THG1L: variants seen among roughly 807,000 people sequenced by gnomAD.
THG1L encodes the protein probable tRNA(His) guanylyltransferase.
A neutral mutation model predicts 35.2 loss-of-function variants in THG1L; 27 were observed. The ratio of observed to expected loss-of-function variants is 0.77; its 90% CI spans 0.57 to 1.06. THG1L has a LOEUF of 1.06. THG1L is among the 50% of genes least tolerant of loss of function. THG1L has a pLI of 0.00. For synonymous variants in THG1L, 135 were observed against 132.4 expected, an observed-to-expected ratio of 1.02 and a Z score of -0.14; for missense variants, 377 against 371.8, an observed-to-expected ratio of 1.01 and a Z score of -0.12.
chr5:157,732,889 T>A lies in THG1L; in HGVS notation c.213T>A (p.Phe71Leu), dbSNP rs1199214352. The stretch of plus-strand genomic sequence containing the variant: ...GAAGGTTTGCTGAGAAGCACAACTT[T>A]GCAAAACCCAATGACAGCCGTGCTC... Reference protein sequence around the residue: ...NFHRFAEKHNFAKPNDSRALQ... With the variant: ...NFHRFAEKHNLAKPNDSRALQ... The change falls in exon 2 of 6, where the codon TTT becomes TTA. Residue 71 changes from phenylalanine (F) to leucine (L), a missense_variant. Coordinates refer to ENST00000231198, the MANE Select transcript of THG1L (RefSeq NM_017872.5). 4 of 1,614,232 alleles carry A rather than the reference T, an allele frequency of 2.5e-6. No individual in the cohort carries two copies. The highest frequency in any genetic ancestry group is 3.4e-6 in the Non-Finnish European group (4 of 1,180,034).
At chr5:157,731,739 C>CCGT in intron 1 of THG1L, 108 bp downstream of exon 1, 1 of 1,386,032 alleles carries the variant, frequency 7.2e-7, no homozygotes, top group Non-Finnish European at 9.8e-7. Context: ...ACCAGGGTAA[C>CCGT]GCGGTAGCCA....
rs750341135 is a variant in THG1L at position 157,731,463 on chromosome 5, A to G, written c.23A>G (p.Lys8Arg). Residue 8 changes from lysine to arginine, a missense_variant, in exon 1 of 6, where the codon AAG (lysine) becomes AGG (arginine). Physicochemically the swap from Lys to Arg is conservative, Grantham distance 26. Transcript: ENST00000231198. Reference sequence around the variant, plus strand: ...AGAATGTGGGGCGCCTGTAAAGTTAAGGTTCACGATTCCTTGGCCACCATT... The same window carrying G: ...AGAATGTGGGGCGCCTGTAAAGTTAGGGTTCACGATTCCTTGGCCACCATT... MWGACKV[K>R]VHDSLATISI... 8 of 1,607,268 alleles carry G rather than the reference A, an allele frequency of 5.0e-6. No homozygotes were observed. The East Asian group carries it at 1.6e-4, about 32-fold the overall frequency.
rs1760826227 is a variant in THG1L at position 157,734,720 on chromosome 5, C to T, written c.513C>T (p.Asp171=). 1.9e-6 allele frequency: 3 copies of T among 1,614,016 alleles called. No homozygotes were observed. Among genetic ancestry groups the T allele is most frequent in the South Asian group, 2.2e-5 (2 of 91,084 alleles). The stretch of plus-strand genomic sequence containing the variant: ...ATCCCAGCAACCAGACTTTAAAGGA[C>T]TACCTCAGCTGGCGACAAGCAGATT... ...VVYPSNQTLK[D]YLSWRQADCH... is the part of the protein sequence containing the mutation. The change falls in exon 3 of 6, where the codon GAC becomes GAT. Residue 171 remains aspartate (D), a synonymous_variant. Coordinates refer to ENST00000231198, the MANE Select transcript of THG1L (RefSeq NM_017872.5).
chr5:157,731,604 T>C lies in THG1L; in HGVS notation c.164T>C (p.Val55Ala), dbSNP rs201920319. ...DTCLAHCWVV[V>A]RLDGRNFHRF... Reference sequence around the variant, plus strand: ...TGCCTGGCACACTGCTGGGTGGTAGTGCGGCTGGACGGCCGGAATTTCCAT... The same window carrying C: ...TGCCTGGCACACTGCTGGGTGGTAGCGCGGCTGGACGGCCGGAATTTCCAT... The change falls in exon 1 of 6, where the codon GTG (valine) becomes GCG (alanine). Residue 55 changes from valine to alanine, a missense_variant. By Grantham distance (64) the Val-to-Ala change is moderately conservative. Coordinates refer to ENST00000231198, the MANE Select transcript of THG1L (RefSeq NM_017872.5). 1.0e-4 allele frequency: 160 copies of C among 1,600,648 alleles called. No homozygotes were observed. Among genetic ancestry groups the C allele is most frequent in the Non-Finnish European group, 2.0e-5 (23 of 1,172,694 alleles).
chr5:157,735,860 C>CT lies in THG1L; in HGVS notation c.556dup (p.Tyr186LeufsTer2). On this transcript the variant is annotated frameshift_variant, in exon 4 of 6. Transcript: ENST00000231198. LOFTEE classifies it high-confidence loss of function. ...TCTCCTCACAGGTCACATCAATAAT[C>CT]TTTATAATACAGTTTTCTGGGCACT... The CT allele has an allele frequency of 6.2e-7, 1 of 1,601,804 alleles. No individual in the cohort carries two copies. Among genetic ancestry groups the CT allele is most frequent in the Non-Finnish European group, 8.5e-7 (1 of 1,174,952 alleles).
chr5:157,732,626 T>G (rs1351300154), intron 1 of THG1L, among the ~76,000 whole-genome samples: 1 of 152,212 alleles, frequency 6.6e-6, no homozygotes, highest in Non-Finnish European at 1.5e-5. Flanking sequence ...GTAAATATTC[T>G]TTTATTCCCA....
At chr5:157,739,279 A>T (rs1469420105) in intron 5 of THG1L, 42 bp from the exon 6 acceptor site, 1 of 1,594,146 alleles carries the variant, frequency 6.3e-7, no homozygotes, top group Non-Finnish European at 8.6e-7. Context: ...TCCCAAACCC[A>T]CTCCTGACTT....
In THG1L at chr5:157,734,728, G is replaced by C. The variant is rs762466516; in HGVS notation, c.521G>C (p.Ser174Thr). The change falls in exon 3 of 6, where the codon AGC (serine) becomes ACC (threonine). Residue 174 changes from serine to threonine, a missense_variant. Transcript: ENST00000231198. ...PSNQTLKDYL[S>T]WRQADCHINN... ...AACCAGACTTTAAAGGACTACCTCA[G>C]CTGGCGACAAGCAGATTGTGAGTGG... 1.2e-6 allele frequency: 2 copies of C among 1,614,008 alleles called. No homozygotes were observed. The highest frequency in any genetic ancestry group is 1.7e-6 in the Non-Finnish European group (2 of 1,180,042).
Position 157,731,421 on chromosome 5 carries a change from C to G in THG1L, c.-20C>G, listed in dbSNP as rs747107503. The G allele has an allele frequency of 6.4e-7, 1 of 1,571,434 alleles. No individual in the cohort carries two copies. The highest frequency in any genetic ancestry group is 8.6e-7 in the Non-Finnish European group (1 of 1,157,252). On this transcript the variant is annotated 5_prime_UTR_variant, in exon 1 of 6. Coordinates refer to ENST00000231198, the MANE Select transcript of THG1L (RefSeq NM_017872.5). The stretch of plus-strand genomic sequence containing the variant: ...ACTTCCGGGGCGGGGCTATCTGGCC[C>G]TTTCCTTTCCGCGTGTAGAATGTGG...
intron 5 of THG1L, 64 bp from the exon 6 acceptor site, chr5:157,739,257 C>A: frequency 6.5e-7 from 1 of 1,543,286 alleles, no homozygotes; most frequent in Non-Finnish European, 8.8e-7. Context: ...ATCCCCACAT[C>A]TTTCCTTTCT....
chr5:157,732,245 G>C (rs28645671), intron 1 of THG1L, among the ~76,000 whole-genome samples: 3 of 45,666 alleles, frequency 6.6e-5, no homozygotes, highest in African/African-American at 2.5e-4. Context: ...AAAAAAAAAA[G>C]AGAGAGAGAG....
Position 157,734,684 on chromosome 5 carries a change from A to C in THG1L, c.477A>C (p.Arg159Ser), listed in dbSNP as rs1410040154. ...PLLYPPGFDG[R>S]VVVYPSNQTL... is the part of the protein sequence containing the mutation. ...TGTATCCCCCAGGCTTTGACGGAAG[A>C]GTCGTGGTGTATCCCAGCAACCAGA... Residue 159 changes from arginine to serine, a missense_variant, in exon 3 of 6, where the codon AGA becomes AGC. Physicochemically the swap from Arg to Ser is moderately radical, Grantham distance 110. Coordinates refer to ENST00000231198, the MANE Select transcript of THG1L (RefSeq NM_017872.5). The C allele has an allele frequency of 3.1e-6, 5 of 1,614,022 alleles. No individual in the cohort carries two copies. The South Asian group carries it at 5.5e-5, about 18-fold the overall frequency.
chr5:157,732,306 C>T (rs762407735), intron 1 of THG1L, among the ~76,000 whole-genome samples: 8 of 149,928 alleles, frequency 5.3e-5, no homozygotes, highest in African/African-American at 7.4e-5. Flanking sequence ...TTAATTTGCC[C>T]GGCGCAGTGG....
At chr5:157,736,973 T>C (rs1760906276) in intron 4 of THG1L, among the ~76,000 whole-genome samples, 1 of 152,118 alleles carries the variant, frequency 6.6e-6, no homozygotes, top group African/African-American at 2.4e-5. Flanking sequence ...ATCTATTTAT[T>C]TATTTTTTGA....
intron 5 of THG1L, among the ~76,000 whole-genome samples, chr5:157,738,220 G>A (rs752479762): frequency 3.3e-5 from 5 of 152,146 alleles, no homozygotes; most frequent in East Asian, 3.8e-4. Flanking sequence ...TAGAATTAGT[G>A]CCTTTATTTT....
intron 2 of THG1L, among the ~76,000 whole-genome samples, chr5:157,734,357 C>T (rs1760811118): frequency 6.6e-6 from 1 of 152,052 alleles, no homozygotes; most frequent in Admixed American, 6.5e-5. Context: ...CATTGCACTC[C>T]AGCCCAGGCA....
intron 1 of THG1L, among the ~76,000 whole-genome samples, chr5:157,732,306 C>A (rs762407735): frequency 6.7e-6 from 1 of 149,930 alleles, no homozygotes; most frequent in African/African-American, 2.5e-5. Context: ...TTAATTTGCC[C>A]GGCGCAGTGG....
chr5:157,733,157 C>T (rs973449105), intron 2 of THG1L, 113 bp downstream of exon 2: 3 of 1,203,862 alleles, frequency 2.5e-6, no homozygotes, highest in African/African-American at 3.0e-5. Context: ...GTATTTGTAA[C>T]TGCAGAGTAC....
At chr5:157,733,999 C>T (rs1360708815) in intron 2 of THG1L, among the ~76,000 whole-genome samples, 1 of 152,014 alleles carries the variant, frequency 6.6e-6, no homozygotes, top group African/African-American at 2.4e-5. Flanking sequence ...TTAAAAATAC[C>T]CCTTGAATCA....
Sources: gnomAD v4.1 joint callset for allele counts (sites outside exome capture counted in the v4.1 genomes callset) on GRCh38, gnomAD v4.1.1 for gene constraint, MANE v1.5 for transcripts, NCBI Gene and HGNC (gene_info 2026-07-23, HGNC 2026-07-21) for gene names.